The following SPATS2 variants were observed in gnomAD, a reference collection of about 807,000 sequenced individuals.
The protein encoded by SPATS2 is spermatogenesis-associated serine-rich protein 2.
A neutral mutation model predicts 63.7 loss-of-function variants in SPATS2; 38 were observed. The ratio of observed to expected loss-of-function variants is 0.60; its 90% CI spans 0.46 to 0.78. The LOEUF is 0.78. Ranked by LOEUF, SPATS2 falls within the 30% of genes least tolerant of loss-of-function variation. The probability of loss-of-function intolerance (pLI) is 0.00; values close to 1 mark genes in which losing one functional copy is unlikely to be tolerated. For missense variants in SPATS2, 588 were observed against 666.2 expected (o/e 0.88, Z 1.29); for synonymous variants, 207 against 232.9 (o/e 0.89, Z 1.01).
intron 2 of SPATS2, among the ~76,000 whole-genome samples, chr12:49,433,125 C>A (rs925231434): frequency 6.6e-6 from 1 of 152,108 alleles, no homozygotes; most frequent in African/African-American, 2.4e-5. Flanking sequence ...TGGGTAGCAG[C>A]CATCCTAGTG....
intron 2 of SPATS2, among the ~76,000 whole-genome samples, chr12:49,448,140 C>CTT (rs572119924): frequency 5.3e-5 from 7 of 132,146 alleles, no homozygotes; most frequent in African/African-American, 1.3e-4. Context: ...TATTTTCTTT[C>CTT]TTTTTTTTTT....
intron 3 of SPATS2, among the ~76,000 whole-genome samples, chr12:49,476,631 C>T (rs1046349938): frequency 5.9e-5 from 9 of 152,140 alleles, no homozygotes; most frequent in Admixed American, 5.9e-4. Flanking sequence ...CGTATGCTCC[C>T]CTAGAGGTTT....
At chr12:49,479,380 G>A (rs1037299973) in intron 3 of SPATS2, among the ~76,000 whole-genome samples, 2 of 152,256 alleles carry the variant, frequency 1.3e-5, no homozygotes, top group African/African-American at 4.8e-5. Context: ...CAACTTTGCT[G>A]AGACTGGAGC....
chr12:49,402,016 G>A (rs1460240863), intron 2 of SPATS2, among the ~76,000 whole-genome samples: 1 of 152,106 alleles, frequency 6.6e-6, no homozygotes, highest in African/African-American at 2.4e-5. Context: ...TCGCTCTGTC[G>A]CCCAGGCTGG....
At chr12:49,375,751 G>T (rs1440814271) in intron 2 of SPATS2, among the ~76,000 whole-genome samples, 1 of 152,186 alleles carries the variant, frequency 6.6e-6, no homozygotes, top group Non-Finnish European at 1.5e-5. Context: ...GGAAGTTAAT[G>T]TATTGTAGCT....
intron 2 of SPATS2, chr12:49,442,336 T>C (rs1000697705): frequency 6.6e-6 from 1 of 152,584 alleles, no homozygotes; most frequent in Non-Finnish European, 1.5e-5. Context: ...ATTTAAAAAA[T>C]AGTTGATAAA....
Position 49,389,569 on chromosome 12 carries a change from A to G in SPATS2, c.-244+18279A>G. On this transcript the variant is annotated intron_variant, in intron 2 of 13. Transcript: ENST00000552918. Reference sequence around the variant, plus strand: ...CTGATGCTAAAACTCTTGTTGAAAGATTAAGAGATCACGACGATGCAGCAG... The same window carrying G: ...CTGATGCTAAAACTCTTGTTGAAAGGTTAAGAGATCACGACGATGCAGCAG... 2.9e-6 allele frequency: 3 copies of G among 1,024,942 alleles called. No homozygotes were observed. In the South Asian group the frequency reaches 3.8e-5, roughly 13 times the overall value. 63.5% of individuals were successfully genotyped at this position (1,024,942 alleles called of 1,614,324 possible).
intron 2 of SPATS2, among the ~76,000 whole-genome samples, chr12:49,408,356 G>A (rs1016723840): frequency 1.1e-4 from 17 of 151,138 alleles, no homozygotes; most frequent in Non-Finnish European, 2.9e-5. Flanking sequence ...GGGCTCCAGC[G>A]ATTCTCCTGC....
chr12:49,380,714 A>AATAT (rs577772762), intron 2 of SPATS2, among the ~76,000 whole-genome samples: 1 of 151,122 alleles, frequency 6.6e-6, no homozygotes, highest in Non-Finnish European at 1.5e-5. Flanking sequence ...TCAAAAAAAA[A>AATAT]ATATATATAT....
chr12:49,428,781 A>G (rs766328199), intron 2 of SPATS2, among the ~76,000 whole-genome samples: 3 of 152,200 alleles, frequency 2.0e-5, no homozygotes, highest in Non-Finnish European at 4.4e-5. Context: ...ATGGGTTAGA[A>G]TCAGTGAATA....
At chr12:49,403,911 G>A (rs1257383166) in intron 2 of SPATS2, among the ~76,000 whole-genome samples, 1 of 152,150 alleles carries the variant, frequency 6.6e-6, no homozygotes, top group Non-Finnish European at 1.5e-5. Context: ...GGAGAGTAAA[G>A]TACTATTTGG....
chr12:49,524,548 T>G, intron 12 of SPATS2, 134 bp from the exon 13 acceptor site: 1 of 896,752 alleles, frequency 1.1e-6, no homozygotes, highest in Non-Finnish European at 1.7e-6. Flanking sequence ...CTGTTACCAG[T>G]TTTATAGGTT....
Position 49,524,872 on chromosome 12 carries a change from C to T in SPATS2, c.1302C>T (p.Gly434=). 3 of 1,612,120 alleles carry T rather than the reference C, an allele frequency of 1.9e-6. No homozygotes were observed. The South Asian group carries it at 3.3e-5, about 18-fold the overall frequency. ...ETPAAIANSS[G]QPYQPLREVL... ...CTGCAGCCATAGCAAACTCCAGTGG[C>T]CAGCCCTACCAGCCACTTCGGGAGG... Residue 434 remains glycine (G), a synonymous_variant, in exon 13 of 14, where the codon GGC becomes GGT. Transcript: ENST00000552918.
At chr12:49,436,915 C>T (rs1344913678) in intron 2 of SPATS2, among the ~76,000 whole-genome samples, 2 of 135,998 alleles carry the variant, frequency 1.5e-5, no homozygotes, top group Non-Finnish European at 3.2e-5. Flanking sequence ...GGGGGATGAC[C>T]CCCCCACCTC....
At chr12:49,378,736 C>T (rs945579406) in intron 2 of SPATS2, among the ~76,000 whole-genome samples, 10 of 152,012 alleles carry the variant, frequency 6.6e-5, no homozygotes, top group African/African-American at 2.4e-4. Context: ...GCTGGGACTA[C>T]AGGTGGATGC....
chr12:49,466,428 A>G (rs1377105424), intron 3 of SPATS2, among the ~76,000 whole-genome samples: 1 of 152,148 alleles, frequency 6.6e-6, no homozygotes, highest in African/African-American at 2.4e-5. Context: ...TCAGCCTCCC[A>G]AAGTGCTGGG....
intron 2 of SPATS2, chr12:49,454,315 A>G (rs1384471965): frequency 1.3e-5 from 2 of 152,322 alleles, no homozygotes; most frequent in Non-Finnish European, 2.9e-5. Flanking sequence ...TTCAGTTCAT[A>G]TGACCACACT....
rs1391830515 is a variant in SPATS2, at chr12:49,494,478, CTT to C, written c.265-260_265-259del. On this transcript the variant is annotated intron_variant, in intron 6 of 13. Coordinates refer to ENST00000552918, the MANE Select transcript of SPATS2 (RefSeq NM_023071.4). ...ATTTTTTTCACATTTTGTAATTTATCTTTTGATTTTGTTGAAGGTGGGTTTTG... is the reference window on the plus strand; with the variant it reads ...ATTTTTTTCACATTTTGTAATTTATCTTGATTTTGTTGAAGGTGGGTTTTG... Among the ~76,000 whole-genome samples the C allele has an allele frequency of 4.6e-5, 7 of 151,582 alleles. No homozygotes were observed. The East Asian group carries it at 1.4e-3, about 29-fold the overall frequency.
At chr12:49,482,898 C>T (rs1466791690) in intron 3 of SPATS2, among the ~76,000 whole-genome samples, 1 of 151,862 alleles carries the variant, frequency 6.6e-6, no homozygotes, top group Non-Finnish European at 1.5e-5. Context: ...CAGCTGTCTT[C>T]CCGCCTCACC....
Sources: gnomAD v4.1 joint callset for allele counts (sites outside exome capture counted in the v4.1 genomes callset) on GRCh38, gnomAD v4.1.1 for gene constraint, MANE v1.5 for transcripts, NCBI Gene and HGNC (gene_info 2026-07-23, HGNC 2026-07-21) for gene names.